IQGAP3: variants seen among roughly 807,000 people sequenced by gnomAD.
The protein encoded by IQGAP3 is IQ motif containing GTPase activating protein 3.
In IQGAP3, 165 loss-of-function variants were observed where a neutral mutation model predicts 208.2. The observed-to-expected ratio is 0.79, with a 90% confidence interval of 0.70 to 0.90. The LOEUF (loss-of-function observed/expected upper bound fraction) is 0.90. IQGAP3 is among the 40% of genes least tolerant of loss of function. The probability of loss-of-function intolerance (pLI) is 0.00; values close to 1 mark genes in which losing one functional copy is unlikely to be tolerated. For synonymous variants in IQGAP3, 703 were observed against 803.6 expected (o/e 0.87, Z 2.12); for missense variants, 1,811 against 2,043.1 (o/e 0.89, Z 2.19).
rs181686681 is a variant in IQGAP3 at position 156,533,059 on chromosome 1, C to T, written c.4024G>A (p.Val1342Met). The T allele has an allele frequency of 6.2e-7, 1 of 1,614,132 alleles. No homozygotes were observed. ...AACTTGTTGGTCAGCGTCAGGGACA[C>T]TTCTAGCTTGCTCAGGTCCGTGTGC... The part of the protein sequence containing the change: ...DGHTDLSKLE[V>M]SLTLTNKFEG... The change falls in exon 32 of 38, where the codon GTG (valine) becomes ATG (methionine). Residue 1342 changes from valine (V) to methionine (M), a missense_variant. Transcript: ENST00000361170.
At chr1:156,537,987 G>A (rs1571321647) in intron 26 of IQGAP3, among the ~76,000 whole-genome samples, 1 of 151,758 alleles carries the variant, frequency 6.6e-6, no homozygotes, top group South Asian at 2.1e-4. Context: ...AACCTCCCAG[G>A]TTCAAGTGAT....
chr1:156,560,346 AC>A (rs1328664010), intron 11 of IQGAP3, among the ~76,000 whole-genome samples: 2 of 152,114 alleles, frequency 1.3e-5, no homozygotes, highest in African/African-American at 4.8e-5. Context: ...CCCTACCTCT[AC>A]TAAAAATACC....
chr1:156,540,985 C>T (rs74471274), intron 22 of IQGAP3, 69 bp from the exon 23 acceptor site: 47,218 of 1,290,802 alleles, frequency 0.037, 1,066 homozygotes, highest in South Asian at 0.082. Context: ...AGCCCCTGCC[C>T]GAGTCAGCCC....
intron 11 of IQGAP3, among the ~76,000 whole-genome samples, chr1:156,557,937 A>G (rs1262147230): frequency 1.3e-3 from 11 of 8,600 alleles, no homozygotes; most frequent in African/African-American, 2.7e-3. Flanking sequence ...TGGGGGGGTC[A>G]GCCCCCCGCC....
chr1:156,539,343 C>A, intron 25 of IQGAP3, 31 bp downstream of exon 25: 1 of 1,602,304 alleles, frequency 6.2e-7, no homozygotes, highest in South Asian at 1.1e-5. Context: ...AACCCATTCT[C>A]TCCCCATTCC....
chr1:156,554,465 C>G (rs1318734070), intron 12 of IQGAP3, 73 bp from the exon 13 acceptor site: 2 of 1,427,572 alleles, frequency 1.4e-6, no homozygotes, highest in East Asian at 2.4e-5. Flanking sequence ...CATCCTGCCC[C>G]CAAGGTTCTT....
chr1:156,534,133 A>T lies in IQGAP3; in HGVS notation c.3749T>A (p.Ile1250Asn). 1 of 1,613,630 alleles carries T rather than the reference A, an allele frequency of 6.2e-7. No individual in the cohort carries two copies. The highest frequency in any genetic ancestry group is 8.5e-7 in the Non-Finnish European group (1 of 1,180,004). The change falls in exon 30 of 38, where the codon ATC becomes AAC. Residue 1250 changes from isoleucine (I) to asparagine (N), a missense_variant. Transcript: ENST00000361170. ...EETHLKFRKF[I>N]HRACQVPEPE... is the part of the protein sequence containing the mutation. ...CTCTGGCACCTGGCAGGCTCTATGG[A>T]TGAACTTCCTGTCCAGAGGGCGGGC...
chr1:156,554,212 A>G (rs1018899704), intron 13 of IQGAP3, 23 bp downstream of exon 13: 2 of 1,587,086 alleles, frequency 1.3e-6, no homozygotes, highest in East Asian at 2.2e-5. Flanking sequence ...CTCACTCCCA[A>G]TGTGTGGCTA....
At chr1:156,554,571 A>C (rs1675735506) in intron 12 of IQGAP3, among the ~76,000 whole-genome samples, 179 bp from the exon 13 acceptor site, 1 of 152,278 alleles carries the variant, frequency 6.6e-6, no homozygotes, top group African/African-American at 2.4e-5. Flanking sequence ...CTATGTGCTC[A>C]ATTATAAGTA....
rs756303256 is a variant in IQGAP3, at chr1:156,528,511, A to T, written c.4671T>A (p.Ser1557=). 1 of 1,611,182 alleles carries T rather than the reference A, an allele frequency of 6.2e-7. No homozygotes were observed. Among genetic ancestry groups the T allele is most frequent in the South Asian group, 1.1e-5 (1 of 91,000 alleles). Residue 1557 remains serine (S), a splice_region_variant and synonymous_variant, in exon 36 of 38, where the codon TCT becomes TCA. Coordinates refer to ENST00000361170, the MANE Select transcript of IQGAP3 (RefSeq NM_178229.5). The part of the protein sequence containing the change: ...VLVEIEDLPA[S]HFRNVIFDIT... ...TCCTGCCCTCCAAAGACACATACTG[A>T]GAGGCGGGAAGATCTTCAATTTCCA...
chr1:156,530,016 G>T, intron 34 of IQGAP3, 89 bp downstream of exon 34: 1 of 1,074,450 alleles, frequency 9.3e-7, no homozygotes, highest in Non-Finnish European at 1.4e-6. Context: ...CATCAGGAGG[G>T]GCCCACCAAC....
chr1:156,548,880 A>C (rs1328876809), intron 16 of IQGAP3, 132 bp from the exon 17 acceptor site: 1 of 852,762 alleles, frequency 1.2e-6, no homozygotes, highest in Non-Finnish European at 1.7e-6. Flanking sequence ...AGACGGGAAC[A>C]TCCCAGGATG....
chr1:156,532,314 A>G (rs1182198998), intron 32 of IQGAP3, among the ~76,000 whole-genome samples: 1 of 150,788 alleles, frequency 6.6e-6, no homozygotes, highest in South Asian at 2.1e-4. Flanking sequence ...TTGAACCCAG[A>G]AGGCGGAGGT....
chr1:156,568,158 G>A (rs1426958501), intron 2 of IQGAP3, among the ~76,000 whole-genome samples: 1 of 152,072 alleles, frequency 6.6e-6, no homozygotes, highest in African/African-American at 2.4e-5. Context: ...AAAAGGATCT[G>A]AGTGGGGGAA....
At position 156,538,838 on chromosome 1, in the gene IQGAP3, G is replaced by T. The variant is rs1482324555; in HGVS notation, c.3252C>A (p.Asn1084Lys). The T allele has an allele frequency of 6.2e-7, 1 of 1,614,146 alleles. No homozygotes were observed. The highest frequency in any genetic ancestry group is 1.1e-5 in the South Asian group (1 of 91,074). ...DPVHLYKNWI[N>K]QTEAQTGQRS... ...GCTGCCCTGTCTGGGCCTCAGTCTG[G>T]TTGATCCAGTTCTTATAGAGGTGGA... Residue 1084 changes from asparagine to lysine, a missense_variant, in exon 26 of 38, where the codon AAC becomes AAA. Coordinates refer to ENST00000361170, the MANE Select transcript of IQGAP3 (RefSeq NM_178229.5).
chr1:156,535,697 A>G (rs564502362), intron 27 of IQGAP3, among the ~76,000 whole-genome samples: 25 of 152,320 alleles, frequency 1.6e-4, no homozygotes, highest in Non-Finnish European at 1.0e-4. Context: ...GTCAGCTGTC[A>G]CAGAGCATCT....
chr1:156,534,978 G>A (rs993853351), intron 28 of IQGAP3, among the ~76,000 whole-genome samples, 185 bp downstream of exon 28: 2 of 152,196 alleles, frequency 1.3e-5, no homozygotes, highest in African/African-American at 4.8e-5. Flanking sequence ...TCACACCCCA[G>A]CATGAGCCAT....
chr1:156,533,617 C>T (rs1201755846), intron 31 of IQGAP3, among the ~76,000 whole-genome samples, 156 bp downstream of exon 31: 1 of 152,188 alleles, frequency 6.6e-6, no homozygotes, highest in Non-Finnish European at 1.5e-5. Context: ...AATCTGTGTC[C>T]CTGTGCCCAT....
intron 32 of IQGAP3, among the ~76,000 whole-genome samples, chr1:156,532,248 A>G (rs1469446465): frequency 6.6e-6 from 1 of 152,000 alleles, no homozygotes; most frequent in Non-Finnish European, 1.5e-5. Flanking sequence ...TTGGCCGGAC[A>G]TGATGGCGAG....
Sources: gnomAD v4.1 joint callset for allele counts (sites outside exome capture counted in the v4.1 genomes callset) on GRCh38, gnomAD v4.1.1 for gene constraint, MANE v1.5 for transcripts, NCBI Gene and HGNC (gene_info 2026-07-23, HGNC 2026-07-21) for gene names.